Variants in PAX3 observed in about 807,000 individuals in gnomAD.
The protein encoded by PAX3 is paired box 3.
PAX3 carries 14 observed loss-of-function variants against 51.6 expected under a neutral mutation model. The ratio of observed to expected loss-of-function variants is 0.27; its 90% CI spans 0.18 to 0.42. The LOEUF (loss-of-function observed/expected upper bound fraction) is 0.42, where lower values mean the gene tolerates loss of function less well. PAX3 is among the 10% of genes least tolerant of loss of function. PAX3 has a pLI of 1.00. For synonymous variants in PAX3, 280 were observed against 253.4 expected, an observed-to-expected ratio of 1.11 and a Z score of -1.00; for missense variants, 540 against 642.8, an observed-to-expected ratio of 0.84 and a Z score of 1.73.
At chr2:222,250,198 A>G (rs7609007) in intron 4 of PAX3, among the ~76,000 whole-genome samples, 17,639 of 152,132 alleles carry the variant, frequency 0.12, 1,256 homozygotes, top group East Asian at 0.32. Flanking sequence ...GCCTCAGAAC[A>G]CAGCTGAAAT....
At chr2:222,236,283 A>G (rs1481045633) in intron 4 of PAX3, among the ~76,000 whole-genome samples, 1 of 152,174 alleles carries the variant, frequency 6.6e-6, no homozygotes, top group South Asian at 2.1e-4. Flanking sequence ...TTTTAGAGAC[A>G]GGGTCTTGCT....
At chr2:222,253,289 T>C (rs1019759876) in intron 4 of PAX3, among the ~76,000 whole-genome samples, 19 of 152,178 alleles carry the variant, frequency 1.2e-4, no homozygotes, top group African/African-American at 4.6e-4. Flanking sequence ...TCAACAGACT[T>C]TGGAAAACAC....
intron 4 of PAX3, among the ~76,000 whole-genome samples, chr2:222,250,221 T>A (rs1246538864): frequency 6.6e-6 from 1 of 152,152 alleles, no homozygotes; most frequent in African/African-American, 2.4e-5. Context: ...TTTGTGAAAT[T>A]CTATTATGAA....
chr2:222,283,461 A>T (rs1694718255), intron 4 of PAX3, among the ~76,000 whole-genome samples: 1 of 152,214 alleles, frequency 6.6e-6, no homozygotes, highest in African/African-American at 2.4e-5. Flanking sequence ...ATATCTTCTG[A>T]ATTTTGTGCA....
chr2:222,229,865 A>G (rs1440633842), intron 5 of PAX3, among the ~76,000 whole-genome samples: 5 of 152,196 alleles, frequency 3.3e-5, no homozygotes, highest in Non-Finnish European at 7.3e-5. Context: ...GTGAATATCT[A>G]TCTAGCCCGG....
At chr2:222,245,856 C>T (rs1693209570) in intron 4 of PAX3, among the ~76,000 whole-genome samples, 1 of 151,716 alleles carries the variant, frequency 6.6e-6, no homozygotes, top group African/African-American at 2.4e-5. Context: ...TGGGGCACAC[C>T]TGTAATCCCA....
At position 222,295,546 on chromosome 2, in the gene PAX3, G is replaced by T. The variant is rs1695251013; in HGVS notation, c.433C>A (p.Arg145=). The T allele has an allele frequency of 1.9e-6, 3 of 1,614,060 alleles. No individual in the cohort carries two copies. The highest frequency in any genetic ancestry group is 1.3e-5 in the African/African-American group (1 of 74,926). The change falls in exon 3 of 9, where the codon CGA becomes AGA. Residue 145 remains arginine, a synonymous_variant. Transcript: ENST00000392070. The part of the protein sequence containing the change: ...DKLLKDAVCD[R]NTVPSVSSIS... ...CTAGTACCTGACGGCACGGTGTTTC[G>T]ATCACAGACCGCGTCCTTGAGTAAT...
intron 4 of PAX3, 134 bp from the exon 5 acceptor site, chr2:222,232,417 T>A: frequency 1.3e-6 from 1 of 758,524 alleles, no homozygotes; most frequent in South Asian, 1.8e-5. Context: ...TAAATGTGGA[T>A]CAAAAAACAA....
In PAX3 at chr2:222,202,105, T is replaced by A; in HGVS notation, c.1259A>T (p.Glu420Val). The change falls in exon 8 of 9, where the codon GAA (glutamate) becomes GTA (valine). Residue 420 changes from glutamate (E) to valine (V), a missense_variant. By Grantham distance (121) the Glu-to-Val change is moderately radical. Coordinates refer to ENST00000392070, the MANE Select transcript of PAX3 (RefSeq NM_181458.4). ...GCTGGCCGACACCGTGGTGGTAGGT[T>A]CCAGACCCCCGGTGAGAGGGGAGAG... is the stretch of plus-strand genomic sequence containing the variant. ...YALSPLTGGL[E>V]PTTTVSASCS... The A allele has an allele frequency of 6.2e-7, 1 of 1,613,842 alleles. No individual in the cohort carries two copies. The highest frequency in any genetic ancestry group is 8.5e-7 in the Non-Finnish European group (1 of 1,179,950).
chr2:222,278,482 T>C (rs568411373), intron 4 of PAX3, among the ~76,000 whole-genome samples: 1 of 152,338 alleles, frequency 6.6e-6, no homozygotes, highest in African/African-American at 2.4e-5. Flanking sequence ...CACAGTTCCT[T>C]CCTAGTCTAT....
rs1289738906 is a variant in PAX3, at chr2:222,200,068, C to G, written c.*1340G>C. The G allele has an allele frequency of 4.8e-6, 1 of 209,380 alleles. No individual in the cohort carries two copies. The highest frequency in any genetic ancestry group is 5.9e-5 in the Admixed American group (1 of 16,890). 13.0% of individuals were successfully genotyped at this position (209,380 alleles called of 1,614,324 possible). On this transcript the variant is annotated 3_prime_UTR_variant, in exon 9 of 9. Coordinates refer to ENST00000392070, the MANE Select transcript of PAX3 (RefSeq NM_181458.4). ...AAATTCGGTACTATGTCTAGTCTCA[C>G]TAACTCGCTACGTCATAGTTCTTAA...
At chr2:222,257,400 A>G (rs1480014103) in intron 4 of PAX3, among the ~76,000 whole-genome samples, 1 of 152,206 alleles carries the variant, frequency 6.6e-6, no homozygotes, top group Admixed American at 6.5e-5. Context: ...TGCTAGAATG[A>G]TTATTTTTCT....
chr2:222,230,667 C>T lies in PAX3; in HGVS notation c.792+1411G>A, dbSNP rs181673619. Among the ~76,000 whole-genome samples the T allele has an allele frequency of 9.8e-3, 1,483 of 151,944 alleles. 25 individuals carry two copies. Among genetic ancestry groups the T allele is most frequent in the African/African-American group, 0.033 (1,370 of 41,450 alleles). ...GTCAGGAGTTCGAGACCAGCCTGAC[C>T]AACATGGTGAAACCCCATCTCTACT... On this transcript the variant is annotated intron_variant, in intron 5 of 8. Coordinates refer to ENST00000392070, the MANE Select transcript of PAX3 (RefSeq NM_181458.4).
intron 7 of PAX3, among the ~76,000 whole-genome samples, chr2:222,207,355 G>A (rs1691551497): frequency 6.6e-6 from 1 of 152,200 alleles, no homozygotes; most frequent in South Asian, 2.1e-4. Flanking sequence ...AGCTGTAAGA[G>A]GGAAGTTGCC....
intron 4 of PAX3, among the ~76,000 whole-genome samples, chr2:222,283,107 T>A (rs1213225753): frequency 6.6e-6 from 1 of 152,226 alleles, no homozygotes; most frequent in African/African-American, 2.4e-5. Flanking sequence ...ATTTTACAAA[T>A]AAACTCACAC....
intron 4 of PAX3, among the ~76,000 whole-genome samples, chr2:222,266,396 T>C (rs915562026): frequency 1.3e-5 from 2 of 152,214 alleles, no homozygotes; most frequent in African/African-American, 2.4e-5. Context: ...TATCACAATT[T>C]TATAAGGCAA....
rs189401314 is a variant in PAX3, at chr2:222,272,108, G to T, written c.586+22059C>A. Among the ~76,000 whole-genome samples the T allele has an allele frequency of 1.4e-4, 22 of 152,282 alleles. No individual in the cohort carries two copies. The East Asian group carries it at 2.9e-3, about 20-fold the overall frequency. ...TGACCTGGGATCTGATGAATGTTTAGTTCAAGAAACACTGCATAGTAGCCG... is the reference window on the plus strand; with the variant it reads ...TGACCTGGGATCTGATGAATGTTTATTTCAAGAAACACTGCATAGTAGCCG... On this transcript the variant is annotated intron_variant, in intron 4 of 8. Transcript: ENST00000392070.
chr2:222,238,749 G>GA (rs34636708), intron 4 of PAX3, among the ~76,000 whole-genome samples: 5 of 152,094 alleles, frequency 3.3e-5, no homozygotes, highest in South Asian at 2.1e-4. Context: ...GTGTTTCACT[G>GA]AAAAAAGAAC....
In PAX3 at chr2:222,295,439, G is replaced by A. The variant is rs45498898; in HGVS notation, c.451+89C>T. The A allele has an allele frequency of 1.4e-3, 2,088 of 1,469,772 alleles. 26 individuals are homozygous for A. In the East Asian group the frequency reaches 0.016, roughly 11 times the overall value. 91.0% of individuals were successfully genotyped at this position (1,469,772 alleles called of 1,614,324 possible). On this transcript the variant is annotated intron_variant, in intron 3 of 8. Transcript: ENST00000392070. ...AGGCCACCTCCCAATAGCTGAGATC[G>A]ATAATTGGGGTGATTACGTCTGGGT...
Sources: gnomAD v4.1 joint callset for allele counts (sites outside exome capture counted in the v4.1 genomes callset) on GRCh38, gnomAD v4.1.1 for gene constraint, MANE v1.5 for transcripts, NCBI Gene and HGNC (gene_info 2026-07-23, HGNC 2026-07-21) for gene names.